The following GMDS variants were observed in gnomAD, a reference collection of about 807,000 sequenced individuals.
GMDS encodes GDP-mannose 4,6 dehydratase.
In GMDS, 20 loss-of-function variants were observed where a neutral mutation model predicts 49.9. The observed-to-expected ratio is 0.40, with a 90% CI of 0.28 to 0.58. The LOEUF (loss-of-function observed/expected upper bound fraction) is 0.58. Among genes scored for constraint, GMDS ranks in the 20% least tolerant of loss-of-function variants. GMDS has a pLI of 0.42. For missense variants in GMDS, 362 were observed against 481.4 expected, an observed-to-expected ratio of 0.75 and a Z score of 2.32; for synonymous variants, 177 against 178.6, an observed-to-expected ratio of 0.99 and a Z score of 0.07.
chr6:1,643,963 C>T (rs1452261171), intron 9 of GMDS, among the ~76,000 whole-genome samples: 1 of 152,192 alleles, frequency 6.6e-6, no homozygotes, highest in Non-Finnish European at 1.5e-5. Flanking sequence ...CCTGACTCCT[C>T]AGCTGACAAG....
chr6:1,788,591 A>T (rs1419561875), intron 7 of GMDS, among the ~76,000 whole-genome samples: 1 of 152,224 alleles, frequency 6.6e-6, no homozygotes, highest in East Asian at 1.9e-4. Flanking sequence ...ACTTCAGGTA[A>T]GAGAAAAAGA....
rs1768956850 is a variant in GMDS at position 1,778,875 on chromosome 6, C to A, written c.772-36289G>T. Reference sequence around the variant, plus strand: ...TTTTTTCTCTTATAGCAGAAATACGCCTGAAAATGTTTTTCCAACCCCAAC... The same window carrying A: ...TTTTTTCTCTTATAGCAGAAATACGACTGAAAATGTTTTTCCAACCCCAAC... On this transcript the variant is annotated intron_variant, in intron 7 of 10. Coordinates refer to ENST00000380815, the MANE Select transcript of GMDS (RefSeq NM_001500.4). This position sits in a 1 kb window ranked among gnomAD's most constrained non-coding sequence, Gnocchi z 4.6. Among the ~76,000 whole-genome samples, 1 of 152,008 alleles carries A rather than the reference C, an allele frequency of 6.6e-6. No homozygotes were observed. Among genetic ancestry groups the A allele is most frequent in the Non-Finnish European group, 1.5e-5 (1 of 67,994 alleles).
At chr6:1,783,830 C>A (rs1172585594) in intron 7 of GMDS, among the ~76,000 whole-genome samples, 1 of 152,120 alleles carries the variant, frequency 6.6e-6, no homozygotes, top group Non-Finnish European at 1.5e-5. Context: ...TACTAAAAGG[C>A]CATGAGGCTC....
At chr6:2,043,519 T>C (rs1016676655) in intron 4 of GMDS, 3 of 152,226 alleles carry the variant, frequency 2.0e-5, no homozygotes, top group East Asian at 1.9e-4. Context: ...ACAGAAACAC[T>C]TGGAAGAGGG....
chr6:1,796,986 A>G (rs889625012), intron 7 of GMDS, among the ~76,000 whole-genome samples: 1 of 152,224 alleles, frequency 6.6e-6, no homozygotes, highest in African/African-American at 2.4e-5. Context: ...TCCTTAGATC[A>G]TGACTGCTGT....
intron 4 of GMDS, among the ~76,000 whole-genome samples, chr6:2,043,153 A>G (rs1769786672): frequency 6.6e-6 from 1 of 152,202 alleles, no homozygotes; most frequent in South Asian, 2.1e-4. Context: ...GGAGGCAGAG[A>G]TGGTTTGCCC....
At chr6:1,924,836 G>A (rs1179066610) in intron 7 of GMDS, among the ~76,000 whole-genome samples, 2 of 152,066 alleles carry the variant, frequency 1.3e-5, no homozygotes, top group Non-Finnish European at 2.9e-5. Context: ...AGAGAGGTGG[G>A]CATAAAAGCA....
chr6:1,723,677 C>G (rs1332510774), intron 9 of GMDS, among the ~76,000 whole-genome samples: 3 of 151,416 alleles, frequency 2.0e-5, no homozygotes, highest in African/African-American at 7.3e-5. Context: ...TGCAGAAGAT[C>G]TTGGGGGACA....
In GMDS at chr6:2,223,589, C is replaced by T. The variant is rs1010160105; in HGVS notation, c.102+21732G>A. ...AGATGACACCGCTACCAAAGCTATG[C>T]TAGTGGGGTAAAATCAGCAGGACCT... On this transcript the variant is annotated intron_variant, in intron 1 of 10. Transcript: ENST00000380815. Among the ~76,000 whole-genome samples, 3 of 152,176 alleles carry T rather than the reference C, an allele frequency of 2.0e-5. No individual in the cohort carries two copies. The East Asian group carries it at 5.8e-4, about 29-fold the overall frequency.
At chr6:2,210,196 G>A (rs1431097639) in intron 1 of GMDS, among the ~76,000 whole-genome samples, 8 of 152,110 alleles carry the variant, frequency 5.3e-5, no homozygotes, top group Non-Finnish European at 8.8e-5. Flanking sequence ...TGCAAGCTCT[G>A]AAACCAGAGT....
At chr6:2,016,552 G>A (rs903358656) in intron 4 of GMDS, among the ~76,000 whole-genome samples, 1 of 152,100 alleles carries the variant, frequency 6.6e-6, no homozygotes, top group East Asian at 1.9e-4. Flanking sequence ...CTAGAGAACA[G>A]GAAATCGAGA....
At chr6:1,824,409 C>T (rs1468590724) in intron 7 of GMDS, among the ~76,000 whole-genome samples, 3 of 152,272 alleles carry the variant, frequency 2.0e-5, no homozygotes, top group South Asian at 2.1e-4. Flanking sequence ...ACTATACCGC[C>T]GCGCCCCGCC....
intron 9 of GMDS, among the ~76,000 whole-genome samples, chr6:1,633,666 G>A (rs1763062860): frequency 6.6e-6 from 1 of 152,144 alleles, no homozygotes. Flanking sequence ...GGTCTCTTGG[G>A]GACACTGCAG....
Position 1,991,261 on chromosome 6 carries a change from G to A in GMDS, c.346-30295C>T, listed in dbSNP as rs112496160. 4.9e-3 allele frequency among the ~76,000 whole-genome samples: 746 copies of A among 152,058 alleles called. 5 individuals carry two copies. The highest frequency in any genetic ancestry group is 0.015 in the African/African-American group (635 of 41,458). On this transcript the variant is annotated intron_variant, in intron 4 of 10. Coordinates refer to ENST00000380815, the MANE Select transcript of GMDS (RefSeq NM_001500.4). ...CAGGACCAATCTTCTCCCAGGCCCCGACTCCCAGGCTCTTCCACAGCTCCG... is the reference window on the plus strand; with the variant it reads ...CAGGACCAATCTTCTCCCAGGCCCCAACTCCCAGGCTCTTCCACAGCTCCG...
At chr6:1,698,393 C>G (rs186566675) in intron 9 of GMDS, among the ~76,000 whole-genome samples, 1 of 152,308 alleles carries the variant, frequency 6.6e-6, no homozygotes, top group East Asian at 1.9e-4. Context: ...CCCGTGTGGT[C>G]CAAACACACA....
intron 9 of GMDS, among the ~76,000 whole-genome samples, chr6:1,644,930 C>CTT (rs754544147): frequency 2.9e-5 from 4 of 136,262 alleles, no homozygotes; most frequent in Non-Finnish European, 3.2e-5. Context: ...GACTCTGGTC[C>CTT]TTTTTTTTTT....
At chr6:1,779,973 C>T (rs6915946) in intron 7 of GMDS, among the ~76,000 whole-genome samples, 3,274 of 152,334 alleles carry the variant, frequency 0.021, 105 homozygotes, top group Admixed American at 0.071. Context: ...ACCAAAGGCA[C>T]AGTGTGGTCC....
intron 6 of GMDS, among the ~76,000 whole-genome samples, chr6:1,934,115 A>G (rs1762415483): frequency 6.6e-6 from 1 of 152,192 alleles, no homozygotes; most frequent in Admixed American, 6.5e-5. Flanking sequence ...CTGTCTCAGT[A>G]TTATTTGTTA....
At chr6:2,230,432 T>C (rs1042624959) in intron 1 of GMDS, among the ~76,000 whole-genome samples, 4 of 152,186 alleles carry the variant, frequency 2.6e-5, no homozygotes, top group African/African-American at 9.7e-5. Flanking sequence ...AACAGCGATG[T>C]CCTATATAGA....
Sources: allele counts gnomAD v4.1 joint callset (sites outside exome capture counted in the v4.1 genomes callset), GRCh38; gene constraint gnomAD v4.1.1; non-coding constraint Gnocchi (gnomAD v3.1); transcripts MANE v1.5; gene names NCBI Gene and HGNC (gene_info 2026-07-23, HGNC 2026-07-21).